Variants in CSMD1 observed in about 807,000 individuals in gnomAD.
CSMD1 encodes the protein CUB and Sushi multiple domains 1, also known as CUB and sushi domain-containing protein 1.
In CSMD1, 213 loss-of-function variants were observed where a neutral mutation model predicts 417.5. That is an observed-to-expected ratio of 0.51 (90% CI 0.46 to 0.57). The LOEUF is 0.57. Ranked by LOEUF, CSMD1 falls within the 20% of genes least tolerant of loss-of-function variation. The probability of loss-of-function intolerance (pLI) is 0.00; values close to 1 mark genes in which losing one functional copy is unlikely to be tolerated. For missense variants in CSMD1, 6,923 were observed against 4,529.7 expected, an observed-to-expected ratio of 1.53 and a Z score of -15.17; for synonymous variants, 2,862 against 1,736.8, an observed-to-expected ratio of 1.65 and a Z score of -16.11.
chr8:4,219,573 A>C (rs866725000), intron 3 of CSMD1, among the ~76,000 whole-genome samples: 4 of 152,026 alleles, frequency 2.6e-5, no homozygotes, highest in African/African-American at 9.7e-5. Flanking sequence ...AAACTTAAAA[A>C]TTATTGGTCT....
intron 5 of CSMD1, among the ~76,000 whole-genome samples, chr8:3,898,380 G>A (rs1807507291): frequency 6.6e-6 from 1 of 152,146 alleles, no homozygotes; most frequent in Non-Finnish European, 1.5e-5. Flanking sequence ...TCTGTTATGG[G>A]GAGAAAGAAA....
chr8:3,242,289 G>T (rs543419313), intron 26 of CSMD1, among the ~76,000 whole-genome samples: 1 of 150,448 alleles, frequency 6.6e-6, no homozygotes, highest in East Asian at 2.0e-4. Context: ...GCTCGGCCTG[G>T]GGAGGAAGGG....
intron 25 of CSMD1, among the ~76,000 whole-genome samples, chr8:3,294,241 G>GT (rs1554503200): frequency 1.3e-5 from 2 of 152,090 alleles, no homozygotes; most frequent in East Asian, 3.9e-4. Context: ...CTACTGGGGG[G>GT]TGCCTCCCAG....
intron 1 of CSMD1, among the ~76,000 whole-genome samples, chr8:4,639,385 C>T (rs1265042545): frequency 6.6e-6 from 1 of 151,836 alleles, no homozygotes; most frequent in Non-Finnish European, 1.5e-5. Flanking sequence ...GAAGTGTGCT[C>T]TCATAAACAC....
chr8:4,402,602 A>G (rs549785065), intron 3 of CSMD1, among the ~76,000 whole-genome samples: 1 of 152,232 alleles, frequency 6.6e-6, no homozygotes, highest in South Asian at 2.1e-4. Flanking sequence ...TGAATATTAC[A>G]TTACTGCTCC....
At chr8:3,596,719 C>G (rs1395209518) in intron 8 of CSMD1, among the ~76,000 whole-genome samples, 1 of 152,130 alleles carries the variant, frequency 6.6e-6, no homozygotes, top group African/African-American at 2.4e-5. Flanking sequence ...CCACACAAAA[C>G]AAGAGCCAGG....
chr8:4,115,805 T>G (rs1375581630), intron 3 of CSMD1, among the ~76,000 whole-genome samples: 1 of 151,932 alleles, frequency 6.6e-6, no homozygotes, highest in Non-Finnish European at 1.5e-5. Context: ...ATGTAAATCA[T>G]ATTTCTCAGT....
At chr8:4,431,445 C>T (rs1027228016) in intron 2 of CSMD1, among the ~76,000 whole-genome samples, 5 of 152,062 alleles carry the variant, frequency 3.3e-5, no homozygotes, top group South Asian at 2.1e-4. Flanking sequence ...AGCGAGTGAG[C>T]ACACAGTCAG....
chr8:4,904,609 T>G (rs1290924088), intron 1 of CSMD1, among the ~76,000 whole-genome samples: 1 of 152,134 alleles, frequency 6.6e-6, no homozygotes, highest in African/African-American at 2.4e-5. Flanking sequence ...CATATATGAG[T>G]GAGCCAGGGA....
chr8:3,547,721 T>G (rs1005300338), intron 10 of CSMD1, among the ~76,000 whole-genome samples: 24 of 152,202 alleles, frequency 1.6e-4, no homozygotes, highest in African/African-American at 4.6e-4. Context: ...TGAAAAACAA[T>G]AGATCTTATT....
chr8:3,839,815 A>T (rs1198340870), intron 5 of CSMD1, among the ~76,000 whole-genome samples: 2 of 151,924 alleles, frequency 1.3e-5, no homozygotes, highest in East Asian at 3.9e-4. Flanking sequence ...ACTAGAGACC[A>T]AAGTGCACAG....
At chr8:4,025,836 A>T (rs73183917) in intron 4 of CSMD1, among the ~76,000 whole-genome samples, 17,083 of 152,206 alleles carry the variant, frequency 0.11, 1,115 homozygotes, top group South Asian at 0.23. Context: ...ATTTTCTATT[A>T]ATTAAATATA....
At chr8:3,115,990 A>G (rs1406854202) in intron 42 of CSMD1, among the ~76,000 whole-genome samples, 1 of 152,204 alleles carries the variant, frequency 6.6e-6, no homozygotes, top group African/African-American at 2.4e-5. Flanking sequence ...TTACATGAAG[A>G]TACTGGGTTG....
chr8:3,702,114 G>T (rs1019547379), intron 7 of CSMD1: 1 of 151,960 alleles, frequency 6.6e-6, no homozygotes, highest in Non-Finnish European at 1.5e-5. Context: ...TTTTTCCCAG[G>T]GGCATAAAGG....
At chr8:3,764,877 G>C (rs1030362853) in intron 5 of CSMD1, among the ~76,000 whole-genome samples, 5 of 151,414 alleles carry the variant, frequency 3.3e-5, no homozygotes, top group Non-Finnish European at 5.9e-5. Context: ...CTCCCAAGTA[G>C]TTGGGATTAA....
chr8:4,499,845 A>T (rs574338921), intron 2 of CSMD1, among the ~76,000 whole-genome samples: 1 of 152,338 alleles, frequency 6.6e-6, no homozygotes, highest in South Asian at 2.1e-4. Flanking sequence ...GTATTTGTTA[A>T]GCAGGTAAAT....
At chr8:4,026,484 T>C (rs1797071641) in intron 4 of CSMD1, among the ~76,000 whole-genome samples, 1 of 152,140 alleles carries the variant, frequency 6.6e-6, no homozygotes. Context: ...TTAAAGATCC[T>C]CCAATTAAGA....
At chr8:3,671,220 G>A (rs74365858) in intron 7 of CSMD1, among the ~76,000 whole-genome samples, 2 of 145,544 alleles carry the variant, frequency 1.4e-5, no homozygotes, top group African/African-American at 5.0e-5. Flanking sequence ...TATAGGGGAT[G>A]TATGTATATG....
intron 2 of CSMD1, among the ~76,000 whole-genome samples, chr8:4,587,183 A>G (rs1799743833): frequency 6.6e-6 from 1 of 152,134 alleles, no homozygotes; most frequent in Non-Finnish European, 1.5e-5. Flanking sequence ...TTTATGGCTT[A>G]CTTGAAGGGT....
Sources: gnomAD v4.1 joint callset for allele counts (sites outside exome capture counted in the v4.1 genomes callset) on GRCh38, gnomAD v4.1.1 for gene constraint, MANE v1.5 for transcripts, NCBI Gene and HGNC (gene_info 2026-07-23, HGNC 2026-07-21) for gene names.